Variants in SPIDR observed in about 807,000 individuals in gnomAD.
SPIDR encodes the protein DNA repair-scaffolding protein.
Under a neutral mutation model 104.6 loss-of-function variants are expected in SPIDR, and 93 were observed. That is an observed-to-expected ratio of 0.89 (90% CI 0.75 to 1.06). The LOEUF is 1.06. Among genes scored for constraint, SPIDR ranks in the 50% least tolerant of loss-of-function variants. The probability of loss-of-function intolerance (pLI) is 0.00; values close to 1 mark genes in which losing one functional copy is unlikely to be tolerated. For synonymous variants in SPIDR, 431 were observed against 416.9 expected (o/e 1.03, Z -0.41); for missense variants, 1,154 against 1,111.2 (o/e 1.04, Z -0.55).
At chr8:47,311,441 G>C (rs945812837) in intron 5 of SPIDR, among the ~76,000 whole-genome samples, 1 of 152,134 alleles carries the variant, frequency 6.6e-6, no homozygotes, top group Non-Finnish European at 1.5e-5. Context: ...TTTACATGTT[G>C]AAGAAGTTCA....
intron 5 of SPIDR, among the ~76,000 whole-genome samples, chr8:47,385,884 T>A (rs1380385298): frequency 1.3e-5 from 2 of 152,210 alleles, no homozygotes; most frequent in East Asian, 3.8e-4. Flanking sequence ...CACAGTTAAA[T>A]TTTTATGTGG....
intron 5 of SPIDR, among the ~76,000 whole-genome samples, chr8:47,334,614 T>C (rs1488508222): frequency 1.3e-5 from 2 of 152,224 alleles, no homozygotes; most frequent in African/African-American, 4.8e-5. Context: ...TGATATATCT[T>C]TCTTCAATCC....
chr8:47,285,085 A>T lies in SPIDR; in HGVS notation c.256+991A>T, dbSNP rs949689007. Among the ~76,000 whole-genome samples the T allele has an allele frequency of 1.6e-4, 24 of 152,330 alleles. No homozygotes were observed. The East Asian group carries it at 4.2e-3, about 27-fold the overall frequency. On this transcript the variant is annotated intron_variant, in intron 3 of 19. Coordinates refer to ENST00000297423, the MANE Select transcript of SPIDR (RefSeq NM_001080394.4). ...GGGCATAATCATTGGGTTATCATGA[A>T]TATTAAGTGAGCTAAAAATAGTAGA...
intron 8 of SPIDR, among the ~76,000 whole-genome samples, chr8:47,451,611 A>ACAC (rs1564008313): frequency 8.7e-5 from 13 of 149,058 alleles, no homozygotes; most frequent in African/African-American, 3.2e-4. Flanking sequence ...CACACACACT[A>ACAC]GAAAGATTCC....
chr8:47,316,104 T>C (rs2045288338), intron 5 of SPIDR, among the ~76,000 whole-genome samples: 2 of 152,166 alleles, frequency 1.3e-5, no homozygotes, highest in Non-Finnish European at 2.9e-5. Context: ...ATTCTACAAC[T>C]GAACAATGAA....
intron 10 of SPIDR, among the ~76,000 whole-genome samples, chr8:47,602,512 C>T (rs1312176533): frequency 2.0e-5 from 3 of 152,222 alleles, no homozygotes. Context: ...TGAAAAGAAA[C>T]AGCGGTGTCT....
At chr8:47,469,524 G>A (rs1283919176) in intron 8 of SPIDR, among the ~76,000 whole-genome samples, 1 of 151,740 alleles carries the variant, frequency 6.6e-6, no homozygotes, top group Non-Finnish European at 1.5e-5. Context: ...ATATACTACA[G>A]AATACCATGC....
intron 5 of SPIDR, among the ~76,000 whole-genome samples, chr8:47,395,820 T>C (rs1433841613): frequency 1.3e-5 from 2 of 152,226 alleles, no homozygotes; most frequent in African/African-American, 4.8e-5. Context: ...CTCATATTCT[T>C]AAATAGTTCC....
chr8:47,582,857 C>T, intron 8 of SPIDR, among the ~76,000 whole-genome samples: 1 of 146,224 alleles, frequency 6.8e-6, no homozygotes, highest in Non-Finnish European at 1.5e-5. Flanking sequence ...CACACACACA[C>T]ACACACACAC....
At chr8:47,690,135 C>T (rs1033839284) in intron 11 of SPIDR, among the ~76,000 whole-genome samples, 2 of 151,904 alleles carry the variant, frequency 1.3e-5, no homozygotes, top group African/African-American at 2.4e-5. Flanking sequence ...TCCACCTCCA[C>T]GCTGGTGAGC....
rs2154493472 is a variant in SPIDR, at chr8:47,727,307, A to G, written c.2435+14A>G. 1 of 1,611,596 alleles carries G rather than the reference A, an allele frequency of 6.2e-7. No homozygotes were observed. Among genetic ancestry groups the G allele is most frequent in the Non-Finnish European group, 8.5e-7 (1 of 1,177,878 alleles). On this transcript the variant is annotated intron_variant, in intron 17 of 19. Transcript: ENST00000297423. Reference sequence around the variant, plus strand: ...GCCGGAAGACAGGTAAGGGGACAGGAGCTGTCCTGAAAGCCCTAGAACTGA... The same window carrying G: ...GCCGGAAGACAGGTAAGGGGACAGGGGCTGTCCTGAAAGCCCTAGAACTGA...
chr8:47,694,104 G>A (rs1283693387), intron 11 of SPIDR, among the ~76,000 whole-genome samples: 1 of 152,186 alleles, frequency 6.6e-6, no homozygotes, highest in Non-Finnish European at 1.5e-5. Flanking sequence ...AAAGAATGGA[G>A]TTATAGGAAG....
At chr8:47,718,595 T>C (rs1404894463) in intron 16 of SPIDR, among the ~76,000 whole-genome samples, 4 of 152,138 alleles carry the variant, frequency 2.6e-5, no homozygotes, top group Non-Finnish European at 5.9e-5. Context: ...GATGAATTAC[T>C]ATCCTCATGG....
intron 5 of SPIDR, among the ~76,000 whole-genome samples, chr8:47,371,271 T>A (rs2057990140): frequency 6.6e-6 from 1 of 151,774 alleles, no homozygotes; most frequent in African/African-American, 2.4e-5. Context: ...TGAAAAAAAA[T>A]TGAAAACCCT....
At chr8:47,544,627 CTT>C (rs1164967208) in intron 8 of SPIDR, among the ~76,000 whole-genome samples, 1 of 152,208 alleles carries the variant, frequency 6.6e-6, no homozygotes, top group African/African-American at 2.4e-5. Flanking sequence ...CAATGAATTG[CTT>C]TTTGCACCTT....
intron 7 of SPIDR, among the ~76,000 whole-genome samples, chr8:47,432,213 A>G (rs985909708): frequency 6.6e-6 from 1 of 152,266 alleles, no homozygotes; most frequent in African/African-American, 2.4e-5. Context: ...AATATAAACA[A>G]GTAAATACAA....
intron 10 of SPIDR, among the ~76,000 whole-genome samples, chr8:47,624,499 TAAAG>T (rs909482633): frequency 9.3e-5 from 14 of 151,286 alleles, no homozygotes; most frequent in African/African-American, 3.4e-4. Flanking sequence ...GCAAGACTAA[TAAAG>T]AAGAAAAGAG....
At chr8:47,274,538 C>A (rs1260502253) in intron 1 of SPIDR, among the ~76,000 whole-genome samples, 1 of 151,454 alleles carries the variant, frequency 6.6e-6, no homozygotes, top group Non-Finnish European at 1.5e-5. Flanking sequence ...ATAGTTTGGC[C>A]GGGAATAGAA....
chr8:47,671,510 G>A (rs1437254409), intron 10 of SPIDR, among the ~76,000 whole-genome samples: 4 of 151,866 alleles, frequency 2.6e-5, no homozygotes, highest in African/African-American at 9.7e-5. Flanking sequence ...ACTTGAACAC[G>A]GGAGATGGAG....
Sources: allele counts gnomAD v4.1 joint callset (sites outside exome capture counted in the v4.1 genomes callset), GRCh38; gene constraint gnomAD v4.1.1; transcripts MANE v1.5; gene names NCBI Gene and HGNC (gene_info 2026-07-23, HGNC 2026-07-21).